The following NAB2 variants were observed in gnomAD, a reference collection of about 807,000 sequenced individuals.
NAB2 encodes the protein NGFI-A binding protein 2.
In NAB2, 9 loss-of-function variants were observed where a neutral mutation model predicts 44.2. That is an observed-to-expected ratio of 0.20 (90% confidence interval 0.12 to 0.36). The LOEUF (loss-of-function observed/expected upper bound fraction) is 0.36. Ranked by LOEUF, NAB2 falls within the 10% of genes least tolerant of loss-of-function variation. The pLI is 1.00. For missense variants in NAB2, 514 were observed against 709.0 expected, an observed-to-expected ratio of 0.73 and a Z score of 3.12; for synonymous variants, 342 against 291.0, an observed-to-expected ratio of 1.18 and a Z score of -1.78.
Position 57,091,080 on chromosome 12 carries a change from G to T in NAB2, c.84-45G>T. On this transcript the variant is annotated intron_variant, in intron 1 of 6. Coordinates refer to ENST00000300131, the MANE Select transcript of NAB2 (RefSeq NM_005967.4). The surrounding 1 kb of genome is among the most constrained non-coding windows in gnomAD (Gnocchi z 7.3). Reference sequence around the variant, plus strand: ...GTTAGTGTGGGTTGGTACCCAGTAGGGGGACTTGCACCGACTGCCTCTCTC... The same window carrying T: ...GTTAGTGTGGGTTGGTACCCAGTAGTGGGACTTGCACCGACTGCCTCTCTC... 1 of 1,461,662 alleles carries T rather than the reference G, an allele frequency of 6.8e-7. No individual in the cohort carries two copies. Among genetic ancestry groups the T allele is most frequent in the South Asian group, 1.4e-5 (1 of 71,756 alleles). The allele number at this position is 1,461,662 out of a possible 1,614,324, so 90.5% of individuals were successfully genotyped here.
Position 57,094,918 on chromosome 12 carries a change from A to C in NAB2, c.*197A>C. On this transcript the variant is annotated 3_prime_UTR_variant, in exon 7 of 7. Transcript: ENST00000300131. ...AGAGGCCTGGAGAGAGGACACAAGG[A>C]GGGTGCGTGGTGCCCTCACCCCTGC... 1 of 591,842 alleles carries C rather than the reference A, an allele frequency of 1.7e-6. No individual in the cohort carries two copies. The highest frequency in any genetic ancestry group is 3.0e-6 in the Non-Finnish European group (1 of 333,934). 36.7% of individuals were successfully genotyped at this position (591,842 alleles called of 1,614,324 possible). A position where few individuals can be genotyped will look rare whatever the true frequency, so the allele number is the denominator to read the frequency against.
chr12:57,092,076 C>A, intron 2 of NAB2, 78 bp downstream of exon 2: 1 of 1,517,198 alleles, frequency 6.6e-7, no homozygotes, highest in South Asian at 1.3e-5. Flanking sequence ...TTTCTACAGT[C>A]TCCGACTATC....
chr12:57,094,392 G>C (rs412567), intron 6 of NAB2, among the ~76,000 whole-genome samples: 2 of 151,844 alleles, frequency 1.3e-5, no homozygotes, highest in African/African-American at 2.4e-5. Flanking sequence ...AAGAGAGAGA[G>C]ACAGACAGAG....
Position 57,093,097 on chromosome 12 carries a change from C to T in NAB2, c.1178C>T (p.Pro393Leu), listed in dbSNP as rs2033229391. ...GEQSHPEIQQ[P>L]PPGPESYVPP... ...CAGAGTCACCCTGAAATCCAGCAGC[C>T]TCCCCCAGGCCCTGAGTCCTATGTA... Residue 393 changes from proline to leucine, a missense_variant, in exon 5 of 7, where the codon CCT becomes CTT. This residue lies in a region of NAB2 where 194 missense variants were observed against 223.9 expected (regional missense o/e 0.87). Coordinates refer to ENST00000300131, the MANE Select transcript of NAB2 (RefSeq NM_005967.4). 1 of 1,612,234 alleles carries T rather than the reference C, an allele frequency of 6.2e-7. No individual in the cohort carries two copies. The highest frequency in any genetic ancestry group is 1.3e-5 in the African/African-American group (1 of 74,902).
Position 57,092,494 on chromosome 12 carries a change from C to T in NAB2, c.1004C>T (p.Thr335Met). ...AAAQFCMRDN[T>M]LLLRRVELFS... is the part of the protein sequence containing the mutation. Reference sequence around the variant, plus strand: ...GCCCAGTTCTGCATGAGGGACAACACGCTCTTATTACGGAGAGTGGAGCTC... The same window carrying T: ...GCCCAGTTCTGCATGAGGGACAACATGCTCTTATTACGGAGAGTGGAGCTC... Residue 335 changes from threonine to methionine, a missense_variant, in exon 3 of 7, where the codon ACG becomes ATG. Coordinates refer to ENST00000300131, the MANE Select transcript of NAB2 (RefSeq NM_005967.4). 3 of 1,614,194 alleles carry T rather than the reference C, an allele frequency of 1.9e-6. No individual in the cohort carries two copies. Among genetic ancestry groups the T allele is most frequent in the African/African-American group, 1.3e-5 (1 of 75,052 alleles).
chr12:57,095,118 T>G lies in NAB2; in HGVS notation c.*397T>G. 5.9e-6 allele frequency: 1 copy of G among 170,580 alleles called. No homozygotes were observed. The highest frequency in any genetic ancestry group is 1.3e-5 in the Non-Finnish European group (1 of 79,492). The allele number at this position is 170,580 out of a possible 1,614,324, so 10.6% of individuals were successfully genotyped here. A position where few individuals can be genotyped will look rare whatever the true frequency, so the allele number is the denominator to read the frequency against. On this transcript the variant is annotated 3_prime_UTR_variant, in exon 7 of 7. Transcript: ENST00000300131. ...AAGGTCCAGCTAAAAGTGGCAACAT[T>G]TGCCCCCAGAATTGGGGGCCTGGGA...
In NAB2 at chr12:57,093,463, C is replaced by T; in HGVS notation, c.1333C>T (p.Pro445Ser). Residue 445 changes from proline (P) to serine (S), a missense_variant, in exon 6 of 7, where the codon CCA (proline) becomes TCA (serine). This residue lies in a region of NAB2 where 194 missense variants were observed against 223.9 expected (regional missense o/e 0.87). Transcript: ENST00000300131. Reference protein sequence around the residue: ...PPPADLPLALPAHGLWSRHIL... With the variant: ...PPPADLPLALSAHGLWSRHIL... ...CCCTGCTGACCTGCCTCTGGCATTG[C>T]CAGCCCATGGGCTATGGAGCCGACA... 1.2e-6 allele frequency: 2 copies of T among 1,600,306 alleles called. No homozygotes were observed. Among genetic ancestry groups the T allele is most frequent in the Non-Finnish European group, 8.5e-7 (1 of 1,174,244 alleles).
chr12:57,093,099 C>T lies in NAB2; in HGVS notation c.1180C>T (p.Pro394Ser), dbSNP rs2033229471. ...GAGTCACCCTGAAATCCAGCAGCCT[C>T]CCCCAGGCCCTGAGTCCTATGTACC... ...EQSHPEIQQP[P>S]PGPESYVPPY... is the part of the protein sequence containing the mutation. Residue 394 changes from proline (P) to serine (S), a missense_variant, in exon 5 of 7, where the codon CCC becomes TCC. Transcript: ENST00000300131. The T allele has an allele frequency of 1.9e-6, 3 of 1,612,108 alleles. No individual in the cohort carries two copies. The highest frequency in any genetic ancestry group is 1.3e-5 in the African/African-American group (1 of 74,906).
chr12:57,089,474 G>C, intron 1 of NAB2, 120 bp downstream of exon 1: 1 of 741,250 alleles, frequency 1.3e-6, no homozygotes. Context: ...GTGGGGGGTG[G>C]AGACTGATGG....
intron 3 of NAB2, 117 bp downstream of exon 3, chr12:57,092,698 C>T: frequency 7.0e-7 from 1 of 1,426,256 alleles, no homozygotes; most frequent in Middle Eastern, 1.8e-4. Flanking sequence ...GGATGTCCTG[C>T]TTTTGGCCAA....
chr12:57,092,137 G>C, intron 2 of NAB2, 139 bp downstream of exon 2: 1 of 1,392,206 alleles, frequency 7.2e-7, no homozygotes, highest in Non-Finnish European at 9.4e-7. Flanking sequence ...TCCCCAACAG[G>C]CCCCTACCCC....
chr12:57,090,368 C>T (rs926775590), intron 1 of NAB2, among the ~76,000 whole-genome samples: 4 of 152,206 alleles, frequency 2.6e-5, no homozygotes, highest in Non-Finnish European at 4.4e-5. Context: ...CCTGTAATCT[C>T]AGCTACTCAG....
intron 4 of NAB2, 45 bp from the exon 5 acceptor site, chr12:57,093,018 C>T: frequency 6.2e-7 from 1 of 1,614,118 alleles, no homozygotes; most frequent in Non-Finnish European, 8.5e-7. Flanking sequence ...TTCCCCAATC[C>T]CCTCCCTTGG....
At position 57,095,026 on chromosome 12, in the gene NAB2, G is replaced by C. The variant is rs1053351645; in HGVS notation, c.*305G>C. 2.2e-5 allele frequency: 8 copies of C among 360,404 alleles called. No homozygotes were observed. Among genetic ancestry groups the C allele is most frequent in the African/African-American group, 1.7e-4 (8 of 47,400 alleles). 22.3% of individuals were successfully genotyped at this position (360,404 alleles called of 1,614,324 possible). On this transcript the variant is annotated 3_prime_UTR_variant, in exon 7 of 7. Coordinates refer to ENST00000300131, the MANE Select transcript of NAB2 (RefSeq NM_005967.4). The stretch of plus-strand genomic sequence containing the variant: ...ACACAACACACTCCCATTCTCTTTA[G>C]GTTTGCACCAGTGGTGTGAGCAGTT...
At chr12:57,090,624 C>A (rs532385198) in intron 1 of NAB2, among the ~76,000 whole-genome samples, 1 of 152,384 alleles carries the variant, frequency 6.6e-6, no homozygotes, top group East Asian at 1.9e-4. Flanking sequence ...GCTGTGGCCC[C>A]TTCACAGGGA....
At chr12:57,092,626 T>C (rs748320535) in intron 3 of NAB2, 45 bp downstream of exon 3, 2 of 1,607,040 alleles carry the variant, frequency 1.2e-6, no homozygotes, top group Non-Finnish European at 1.7e-6. Flanking sequence ...AATCCTGCTA[T>C]GGAGTTAGAT....
rs1431600423 is a variant in NAB2 at position 57,091,920 on chromosome 12, G to A, written c.879G>A (p.Glu293=). ...ATGATAATGACAGCCAGAAGGAAGA[G>A]GAGATCCGCAAATACAGCATCATCT... ...EMDDNDSQKE[E]EIRKYSIIYG... Residue 293 remains glutamate, a synonymous_variant, in exon 2 of 7, where the codon GAG becomes GAA. Transcript: ENST00000300131. The surrounding 1 kb of genome is among the most constrained non-coding windows in gnomAD (Gnocchi z 7.3). 7 of 1,614,170 alleles carry A rather than the reference G, an allele frequency of 4.3e-6. No individual in the cohort carries two copies. The highest frequency in any genetic ancestry group is 5.9e-6 in the Non-Finnish European group (7 of 1,180,020).
chr12:57,094,102 T>A (rs1193752272), intron 6 of NAB2, among the ~76,000 whole-genome samples: 1 of 151,494 alleles, frequency 6.6e-6, no homozygotes, highest in African/African-American at 2.4e-5. Context: ...GGCTTGGTAT[T>A]TTTAAACTGT....
At chr12:57,092,108 A>AC in intron 2 of NAB2, 110 bp downstream of exon 2, 1 of 1,454,128 alleles carries the variant, frequency 6.9e-7, no homozygotes. Flanking sequence ...CTTGACCAGG[A>AC]CCCCAGGCCC....
Sources: gnomAD v4.1 joint callset for allele counts (sites outside exome capture counted in the v4.1 genomes callset) on GRCh38, gnomAD v4.1.1 for gene constraint, gnomAD v4.1.1 regional missense constraint, Gnocchi (gnomAD v3.1) non-coding constraint, MANE v1.5 for transcripts, NCBI Gene and HGNC (gene_info 2026-07-23, HGNC 2026-07-21) for gene names.